The following ABCA7 variants were observed in gnomAD, a reference collection of about 807,000 sequenced individuals.
The protein encoded by ABCA7 is ATP binding cassette subfamily A member 7, also known as phospholipid-transporting ATPase ABCA7.
In ABCA7, 261 loss-of-function variants were observed where a neutral mutation model predicts 227.6. The observed-to-expected ratio is 1.15, with a 90% CI of 1.04 to 1.27. The LOEUF is 1.27. ABCA7 is among the 50% of genes most tolerant of loss of function. The pLI, the probability that ABCA7 is intolerant of heterozygous loss-of-function variation, is 0.00. For missense variants in ABCA7, 3,331 were observed against 2,924.5 expected (o/e 1.14, Z -3.21); for synonymous variants, 1,488 against 1,279.7 (o/e 1.16, Z -3.47).
chr19:1,063,556 G>C lies in ABCA7; in HGVS notation c.5725G>C (p.Gly1909Arg). The change falls in exon 43 of 47, where the codon GGC (glycine) becomes CGC (arginine). Residue 1909 changes from glycine (G) to arginine (R), a missense_variant. Physicochemically the swap from Gly to Arg is moderately radical, Grantham distance 125. Coordinates refer to ENST00000263094, the MANE Select transcript of ABCA7 (RefSeq NM_019112.4). ...CCCCACCCCACAGACCGCTGGCTCG[G>C]GCCTGGCGCGTCTGGGACTCTCATG... is the stretch of plus-strand genomic sequence containing the variant. ...EAQVAQTAGS[G>R]LARLGLSWYA... The C allele has an allele frequency of 6.2e-7, 1 of 1,610,642 alleles. No individual in the cohort carries two copies. Among genetic ancestry groups the C allele is most frequent in the Non-Finnish European group, 8.5e-7 (1 of 1,179,892 alleles).
At chr19:1,046,701 C>T in intron 13 of ABCA7, 101 bp from the exon 14 acceptor site, 9 of 1,295,732 alleles carry the variant, frequency 6.9e-6, no homozygotes, top group Non-Finnish European at 9.5e-6. Flanking sequence ...CAAATCTTCC[C>T]GCCTTGAGAT....
At chr19:1,052,314 C>A in intron 23 of ABCA7, 28 bp downstream of exon 23, 1 of 1,078,792 alleles carries the variant, frequency 9.3e-7, no homozygotes, top group Non-Finnish European at 1.1e-6. Context: ...AGACCCAAGG[C>A]GGGTGGGCAG....
Position 1,058,642 on chromosome 19 carries a change from T to C in ABCA7, c.5174T>C (p.Leu1725Pro). ...RLGDRQFQSPLRWEVVGKNLL... is the reference protein window; with the variant it reads ...RLGDRQFQSPPRWEVVGKNLL... Reference sequence around the variant, plus strand: ...GGAGACAGGCAGTTCCAGTCACCCCTGCGCTGGGAGGTGGTCGGCAAGAAC... The same window carrying C: ...GGAGACAGGCAGTTCCAGTCACCCCCGCGCTGGGAGGTGGTCGGCAAGAAC... The change falls in exon 38 of 47, where the codon CTG (leucine) becomes CCG (proline). Residue 1725 changes from leucine to proline, a missense_variant. Transcript: ENST00000263094. The C allele has an allele frequency of 6.2e-7, 1 of 1,613,930 alleles. No individual in the cohort carries two copies. Among genetic ancestry groups the C allele is most frequent in the Non-Finnish European group, 8.5e-7 (1 of 1,180,006 alleles).
In ABCA7 at chr19:1,058,749, T is replaced by A; in HGVS notation, c.5279+2T>A. On this transcript the variant is annotated splice_donor_variant, in intron 38 of 46. Coordinates refer to ENST00000263094, the MANE Select transcript of ABCA7 (RefSeq NM_019112.4). LOFTEE classifies it high-confidence loss of function. ...GCACCGAAGCCAACTCCTGCCACAG[T>A]TAGTGAGGTCTATGGAGAGGGTGGC... 1 of 1,613,700 alleles carries A rather than the reference T, an allele frequency of 6.2e-7. No homozygotes were observed. Among genetic ancestry groups the A allele is most frequent in the Non-Finnish European group, 8.5e-7 (1 of 1,179,866 alleles).
chr19:1,041,522 G>C lies in ABCA7; in HGVS notation c.79G>C (p.Val27Leu). 13 of 1,613,744 alleles carry C rather than the reference G, an allele frequency of 8.1e-6. No homozygotes were observed. The highest frequency in any genetic ancestry group is 1.1e-5 in the Non-Finnish European group (13 of 1,180,024). ...YRRRQPVQLL[V>L]ELLWPLFLFF... is the part of the protein sequence containing the mutation. ...TATTCTCCCCCAGGTCCAGCTCCTGGTCGAATTGCTGTGGCCTCTCTTCCT... is the reference window on the plus strand; with the variant it reads ...TATTCTCCCCCAGGTCCAGCTCCTGCTCGAATTGCTGTGGCCTCTCTTCCT... The change falls in exon 3 of 47, where the codon GTC becomes CTC. Residue 27 changes from valine to leucine, a missense_variant. Physicochemically the swap from Val to Leu is conservative, Grantham distance 32. Coordinates refer to ENST00000263094, the MANE Select transcript of ABCA7 (RefSeq NM_019112.4).
chr19:1,065,179 C>T lies in ABCA7; in HGVS notation c.6285+8C>T. 1 of 1,593,262 alleles carries T rather than the reference C, an allele frequency of 6.3e-7. No individual in the cohort carries two copies. The highest frequency in any genetic ancestry group is 8.6e-7 in the Non-Finnish European group (1 of 1,167,686). On this transcript the variant is annotated splice_region_variant and intron_variant, in intron 46 of 46. Transcript: ENST00000263094. ...CAGACGATGCTGGAGGAGGTGATCACGGCGCCGGGGTCGGGCTGGGGGAGG... is the reference window on the plus strand; with the variant it reads ...CAGACGATGCTGGAGGAGGTGATCATGGCGCCGGGGTCGGGCTGGGGGAGG...
chr19:1,065,044 G>A lies in ABCA7; in HGVS notation c.6158G>A (p.Gly2053Asp). Residue 2053 changes from glycine to aspartate, a missense_variant, in exon 46 of 47, where the codon GGC (glycine) becomes GAC (aspartate). By Grantham distance (94) the Gly-to-Asp change is moderately conservative. Transcript: ENST00000263094. ...PGAELREAHG[G>D]RLRFQLPPGG... ...GCGGAGCTGCGCGAGGCACATGGAGGCCGCCTGCGCTTCCAGCTGCCGCCG... is the reference window on the plus strand; with the variant it reads ...GCGGAGCTGCGCGAGGCACATGGAGACCGCCTGCGCTTCCAGCTGCCGCCG... 3 of 1,558,378 alleles carry A rather than the reference G, an allele frequency of 1.9e-6. No individual in the cohort carries two copies. The highest frequency in any genetic ancestry group is 1.4e-5 in the African/African-American group (1 of 73,430).
chr19:1,042,873 AGGCAGCCTGCGCCGGGAGGGTCTGG>A (rs765011559), intron 7 of ABCA7, 47 bp downstream of exon 7: 30 of 1,531,578 alleles, frequency 2.0e-5, no homozygotes, highest in Non-Finnish European at 2.3e-5. Context: ...CAACGTTGGC[AGGCAGCCTGCGCCGGGAGGGTCTGG>A]GGCAGCCCGG....
chr19:1,051,700 G>T, intron 21 of ABCA7, 114 bp downstream of exon 21: 1 of 1,156,454 alleles, frequency 8.6e-7, no homozygotes, highest in South Asian at 1.5e-5. Flanking sequence ...CCCACTTGTT[G>T]CTATGGCATT....
rs766101323 is a variant in ABCA7, at chr19:1,056,016, C to G, written c.4239-50C>G. On this transcript the variant is annotated intron_variant, in intron 31 of 46. Coordinates refer to ENST00000263094, the MANE Select transcript of ABCA7 (RefSeq NM_019112.4). The surrounding 1 kb of genome is among the most constrained non-coding windows in gnomAD (Gnocchi z 4.3). ...CTCTGCCTGCCCCCTGGGAGCTCTC[C>G]CGGCCCCCCCGGCCCTCAGCTCCCC... 1.3e-6 allele frequency: 2 copies of G among 1,513,854 alleles called. No homozygotes were observed. Among genetic ancestry groups the G allele is most frequent in the Non-Finnish European group, 8.8e-7 (1 of 1,137,078 alleles). The allele number at this position is 1,513,854 out of a possible 1,614,324, so 93.8% of individuals were successfully genotyped here. A position where few individuals can be genotyped will look rare whatever the true frequency, so the allele number is the denominator to read the frequency against.
In ABCA7 at chr19:1,065,129, C is replaced by T; in HGVS notation, c.6243C>T (p.His2081=). Residue 2081 remains histidine, a synonymous_variant, in exon 46 of 47, where the codon CAC becomes CAT. Transcript: ENST00000263094. ...AGCTGGCGGTGCACGGCGCAGAGCA[C>T]GGCGTGGAGGACTTTTCCGTGAGCC... ...FGELAVHGAE[H]GVEDFSVSQT... The T allele has an allele frequency of 6.3e-7, 1 of 1,591,030 alleles. No individual in the cohort carries two copies.
chr19:1,057,165 T>C, intron 34 of ABCA7, 81 bp downstream of exon 34: 1 of 1,557,854 alleles, frequency 6.4e-7, no homozygotes, highest in Non-Finnish European at 8.7e-7. Flanking sequence ...CAGGGGCTTG[T>C]CCAAGATGGC....
Position 1,058,696 on chromosome 19 carries a change from TCTTC to T in ABCA7, c.5233_5236del (p.Leu1745SerfsTer18), listed in dbSNP as rs777977539. On this transcript the variant is annotated frameshift_variant, in exon 38 of 47. Coordinates refer to ENST00000263094, the MANE Select transcript of ABCA7 (RefSeq NM_019112.4). LOFTEE classifies it high-confidence loss of function. The stretch of plus-strand genomic sequence containing the variant: ...TTGGCCATGGTGATACAGGGGCCCC[TCTTC>T]CTTCTCTTCACACTACTGCTGCAGC... 1.2e-6 allele frequency: 2 copies of T among 1,613,882 alleles called. No homozygotes were observed. Among genetic ancestry groups the T allele is most frequent in the Non-Finnish European group, 1.7e-6 (2 of 1,180,008 alleles).
chr19:1,058,382 T>C, intron 37 of ABCA7, 113 bp downstream of exon 37: 2 of 1,489,460 alleles, frequency 1.3e-6, no homozygotes, highest in Non-Finnish European at 1.8e-6. Context: ...ACAGCCAGGG[T>C]TCTTAGGTGG....
At chr19:1,060,207 A>ATATATATATATATATATATATAT in intron 40 of ABCA7, among the ~76,000 whole-genome samples, 4 of 96,866 alleles carry the variant, frequency 4.1e-5, no homozygotes, top group African/African-American at 1.4e-4. Context: ...ATATATATAT[A>ATATATATATATATATATATATAT]TTTTTTTTTC....
rs763465079 is a variant in ABCA7, at chr19:1,045,178, C to G, written c.1392C>G (p.Ile464Met). The change falls in exon 12 of 47, where the codon ATC (isoleucine) becomes ATG (methionine). Residue 464 changes from isoleucine (I) to methionine (M), a missense_variant. Coordinates refer to ENST00000263094, the MANE Select transcript of ABCA7 (RefSeq NM_019112.4). The stretch of plus-strand genomic sequence containing the variant: ...ACCTGGGCCCCGGCCACGTGCGCAT[C>G]AAAATCCGCATGGACATTGACGTGG... ...TPDLGPGHVRIKIRMDIDVVT... is the reference protein window; with the variant it reads ...TPDLGPGHVRMKIRMDIDVVT... 2 of 1,571,594 alleles carry G rather than the reference C, an allele frequency of 1.3e-6. No individual in the cohort carries two copies. The highest frequency in any genetic ancestry group is 1.1e-5 in the South Asian group (1 of 90,642).
chr19:1,052,248 G>A lies in ABCA7; in HGVS notation c.3182G>A (p.Arg1061Lys), dbSNP rs752857903. 5.8e-6 allele frequency: 9 copies of A among 1,556,808 alleles called. No homozygotes were observed. In the East Asian group the frequency reaches 1.4e-4, roughly 25 times the overall value. Residue 1061 changes from arginine (R) to lysine (K), a missense_variant, in exon 23 of 47, where the codon AGG becomes AAG. Transcript: ENST00000263094. ...DTDMEGSVDT[R>K]QEKKNGSQGS... ...GACATGGAGGGCAGTGTGGACACCA[G>A]GCAGGAAAAGAAGAATGGCAGCCAG...
chr19:1,055,797 C>A, intron 30 of ABCA7, 110 bp from the exon 31 acceptor site: 1 of 1,205,518 alleles, frequency 8.3e-7, no homozygotes, highest in Non-Finnish European at 1.1e-6. Flanking sequence ...CCACCGCGCC[C>A]GGCTTTCTTT....
At chr19:1,048,540 T>G (rs1599605259) in intron 16 of ABCA7, among the ~76,000 whole-genome samples, 4 of 128,112 alleles carry the variant, frequency 3.1e-5, no homozygotes, top group East Asian at 2.2e-4. Flanking sequence ...CCGGGCACGG[T>G]GGCTCACGCC....
Sources: gnomAD v4.1 joint callset for allele counts (sites outside exome capture counted in the v4.1 genomes callset) on GRCh38, gnomAD v4.1.1 for gene constraint, Gnocchi (gnomAD v3.1) non-coding constraint, MANE v1.5 for transcripts, NCBI Gene and HGNC (gene_info 2026-07-23, HGNC 2026-07-21) for gene names.